The following FYB2 variants were observed in gnomAD, a reference collection of about 807,000 sequenced individuals.
FYB2 encodes the protein FYN binding protein 2, also known as FYN-binding protein 2.
Under a neutral mutation model 94.1 loss-of-function variants are expected in FYB2, and 103 were observed. The observed-to-expected ratio is 1.09, with a 90% CI of 0.93 to 1.29. The LOEUF (loss-of-function observed/expected upper bound fraction) is 1.29. Among genes scored for constraint, FYB2 ranks in the 50% most tolerant of loss-of-function variants. FYB2 has a pLI of 0.00. For missense variants in FYB2, 896 were observed against 841.5 expected (o/e 1.06, Z -0.80); for synonymous variants, 293 against 287.9 (o/e 1.02, Z -0.18).
chr1:56,761,925 A>G (rs1252051720), intron 5 of FYB2: 1 of 152,200 alleles, frequency 6.6e-6, no homozygotes, highest in Admixed American at 6.5e-5. Flanking sequence ...GACTTAAGCC[A>G]AAGTTTATTT....
At chr1:56,794,751 C>T (rs962905268) in intron 1 of FYB2, among the ~76,000 whole-genome samples, 9 of 152,188 alleles carry the variant, frequency 5.9e-5, no homozygotes, top group East Asian at 5.8e-4. Context: ...TCTCCCCTGA[C>T]GTGGCAGAAG....
intron 6 of FYB2, among the ~76,000 whole-genome samples, chr1:56,757,114 T>G (rs1161177243): frequency 6.6e-6 from 1 of 151,988 alleles, no homozygotes; most frequent in Non-Finnish European, 1.5e-5. Context: ...GTTAAAAGAT[T>G]TAAAAATTAA....
chr1:56,790,558 T>A (rs753290531), intron 2 of FYB2, among the ~76,000 whole-genome samples: 1 of 152,202 alleles, frequency 6.6e-6, no homozygotes, highest in Non-Finnish European at 1.5e-5. Flanking sequence ...TTTCTTCCCA[T>A]CTGTCTTTTC....
At chr1:56,766,577 T>G (rs1327101562) in intron 5 of FYB2, among the ~76,000 whole-genome samples, 2 of 151,762 alleles carry the variant, frequency 1.3e-5, no homozygotes, top group African/African-American at 4.8e-5. Flanking sequence ...GGGACCACAG[T>G]CTCCCACCAC....
At chr1:56,719,992 T>G (rs1344556508) in intron 19 of FYB2, 30 bp downstream of exon 19, 1 of 1,560,476 alleles carries the variant, frequency 6.4e-7, no homozygotes, top group East Asian at 2.3e-5. Context: ...TAGGAACTCA[T>G]GATTTAAAGT....
chr1:56,728,150 A>G (rs998114994), intron 15 of FYB2, among the ~76,000 whole-genome samples: 23 of 152,108 alleles, frequency 1.5e-4, no homozygotes, highest in Admixed American at 1.3e-3. Flanking sequence ...ATGGTCCAAC[A>G]CAACTTCCCA....
At chr1:56,734,231 G>T (rs1167266039) in intron 15 of FYB2, among the ~76,000 whole-genome samples, 95 of 152,034 alleles carry the variant, frequency 6.2e-4, no homozygotes, top group Admixed American at 6.2e-3. Flanking sequence ...CGCTAGGATT[G>T]CAACCCCTGC....
chr1:56,792,633 C>T lies in FYB2; in HGVS notation c.180G>A (p.Lys60=), dbSNP rs772431764. Residue 60 remains lysine, a synonymous_variant, in exon 2 of 20, where the codon AAG becomes AAA. Coordinates refer to ENST00000343433, the MANE Select transcript of FYB2 (RefSeq NM_001004303.5). ...ANGKPLSSNH[K]QRTPYCSSSE... ...TACTGGAACAGTATGGTGTGCGCTG[C>T]TTGTGGTTGGATGAGAGGGGTTTCC... is the stretch of plus-strand genomic sequence containing the variant. 4.3e-6 allele frequency: 7 copies of T among 1,614,050 alleles called. No individual in the cohort carries two copies. In the East Asian group the frequency reaches 6.7e-5, roughly 15 times the overall value.
chr1:56,785,278 C>CT (rs1233654800), intron 4 of FYB2, among the ~76,000 whole-genome samples: 4 of 152,126 alleles, frequency 2.6e-5, no homozygotes, highest in Admixed American at 2.6e-4. Context: ...TTAAACACAG[C>CT]AGTCACCTTA....
At chr1:56,804,828 A>C (rs1477226471) in intron 1 of FYB2, among the ~76,000 whole-genome samples, 1 of 152,162 alleles carries the variant, frequency 6.6e-6, no homozygotes, top group Non-Finnish European at 1.5e-5. Flanking sequence ...TTGTTACCTT[A>C]TTGGTAAATC....
In FYB2 at chr1:56,819,236, A is replaced by G. The variant is rs746854854; in HGVS notation, c.9+46T>C. On this transcript the variant is annotated intron_variant, in intron 1 of 19. Coordinates refer to ENST00000343433, the MANE Select transcript of FYB2 (RefSeq NM_001004303.5). ...TCAAGTGGGAGGAACTTGTCCTGCA[A>G]GAAAAGACACACAGAAAGCCAGCAA... 4 of 1,614,034 alleles carry G rather than the reference A, an allele frequency of 2.5e-6. No individual in the cohort carries two copies. In the South Asian group the frequency reaches 3.3e-5, roughly 13 times the overall value.
intron 4 of FYB2, among the ~76,000 whole-genome samples, chr1:56,772,464 T>C (rs1645780618): frequency 6.6e-6 from 1 of 152,186 alleles, no homozygotes; most frequent in Non-Finnish European, 1.5e-5. Context: ...CCATTAAAAC[T>C]AGATCTGAGA....
chr1:56,780,000 A>C (rs183508018), intron 4 of FYB2, among the ~76,000 whole-genome samples: 1 of 152,240 alleles, frequency 6.6e-6, no homozygotes, highest in East Asian at 1.9e-4. Context: ...TACTAATACT[A>C]ATAATAATAT....
chr1:56,791,009 G>A (rs913940530), intron 2 of FYB2, among the ~76,000 whole-genome samples: 17 of 152,118 alleles, frequency 1.1e-4, no homozygotes, highest in African/African-American at 4.1e-4. Flanking sequence ...GAGAGCTCGG[G>A]GAAGACAGGT....
rs777906655 is a variant in FYB2, at chr1:56,740,670, G to C, written c.1703+27C>G. ...GTATCTACCAGGTTAATCCCCTCGTGGAAAGGGATTTAAAGGGACTTTTTA... is the reference window on the plus strand; with the variant it reads ...GTATCTACCAGGTTAATCCCCTCGTCGAAAGGGATTTAAAGGGACTTTTTA... On this transcript the variant is annotated intron_variant, in intron 13 of 19. Coordinates refer to ENST00000343433, the MANE Select transcript of FYB2 (RefSeq NM_001004303.5). 5.8e-6 allele frequency: 8 copies of C among 1,369,940 alleles called. No individual in the cohort carries two copies. The African/African-American group carries it at 1.2e-4, about 20-fold the overall frequency. The allele number at this position is 1,369,940 out of a possible 1,614,324, so 84.9% of individuals were successfully genotyped here.
Position 56,767,645 on chromosome 1 carries a change from C to A in FYB2, c.1063+184G>T, listed in dbSNP as rs568578130. Among the ~76,000 whole-genome samples the A allele has an allele frequency of 1.1e-3, 171 of 151,824 alleles. 1 individual carries two copies. The Middle Eastern group carries it at 0.014, about 12-fold the overall frequency. On this transcript the variant is annotated intron_variant, in intron 5 of 19. Coordinates refer to ENST00000343433, the MANE Select transcript of FYB2 (RefSeq NM_001004303.5). ...TAGCTATTGTGAGATAGCACTGATG[C>A]CCAGCTGGATTTATTTATATTTTTA... is the stretch of plus-strand genomic sequence containing the variant.
intron 1 of FYB2, among the ~76,000 whole-genome samples, chr1:56,794,248 G>A (rs1646343062): frequency 6.6e-6 from 1 of 152,140 alleles, no homozygotes; most frequent in African/African-American, 2.4e-5. Context: ...GTTGATTGGT[G>A]GTCCGGCCAG....
intron 17 of FYB2, among the ~76,000 whole-genome samples, chr1:56,721,492 G>T (rs926004356): frequency 6.6e-6 from 1 of 151,780 alleles, no homozygotes. Flanking sequence ...TTCCTTACTG[G>T]CTTTTTTATC....
intron 7 of FYB2, among the ~76,000 whole-genome samples, chr1:56,755,143 C>G (rs1645295112): frequency 6.6e-6 from 1 of 152,046 alleles, no homozygotes; most frequent in Non-Finnish European, 1.5e-5. Flanking sequence ...GGTAAGAGCA[C>G]TACTATGTGC....
Sources: gnomAD v4.1 joint callset for allele counts (sites outside exome capture counted in the v4.1 genomes callset) on GRCh38, gnomAD v4.1.1 for gene constraint, MANE v1.5 for transcripts, NCBI Gene and HGNC (gene_info 2026-07-23, HGNC 2026-07-21) for gene names.